PCDH11X: variants seen among roughly 807,000 people sequenced by gnomAD.
PCDH11X encodes the protein protocadherin 11 X-linked.
In PCDH11X, 18 loss-of-function variants were observed where a neutral mutation model predicts 53.3. The ratio of observed to expected loss-of-function variants is 0.34; its 90% CI spans 0.23 to 0.50. PCDH11X has a LOEUF of 0.50. Among genes scored for constraint, PCDH11X ranks in the 20% least tolerant of loss-of-function variants. The probability of loss-of-function intolerance (pLI) is 0.98; values close to 1 mark genes in which losing one functional copy is unlikely to be tolerated. For synonymous variants in PCDH11X, 279 were observed against 393.3 expected (o/e 0.71, Z 3.44); for missense variants, 570 against 1,032.4 (o/e 0.55, Z 6.14).
intron 10 of PCDH11X, among the ~76,000 whole-genome samples, chrX:92,513,833 C>T (rs1413988111): frequency 9.0e-6 from 1 of 111,435 alleles, no homozygotes; most frequent in African/African-American, 3.3e-5. Flanking sequence ...TTACAGACTT[C>T]TACAACCATC....
intron 10 of PCDH11X, among the ~76,000 whole-genome samples, chrX:92,549,857 G>A (rs945872870): frequency 9.0e-6 from 1 of 111,448 alleles, no homozygotes; most frequent in Non-Finnish European, 1.9e-5. Context: ...GGGGTACATA[G>A]TGATGCTTTG....
intron 8 of PCDH11X, among the ~76,000 whole-genome samples, chrX:92,342,886 A>G (rs2069798294): frequency 8.9e-6 from 1 of 111,962 alleles, no homozygotes; most frequent in Non-Finnish European, 1.9e-5. Flanking sequence ...AGAGAAAAGA[A>G]TATGTGAAGG....
intron 6 of PCDH11X, among the ~76,000 whole-genome samples, chrX:91,913,089 A>G (rs1386178971): frequency 1.8e-5 from 2 of 111,370 alleles, no homozygotes; most frequent in African/African-American, 6.5e-5. Flanking sequence ...CCCTGACTAT[A>G]TCTCACAGGG....
chrX:92,442,224 C>T (rs2072531436), intron 9 of PCDH11X, among the ~76,000 whole-genome samples: 1 of 109,906 alleles, frequency 9.1e-6, no homozygotes, highest in African/African-American at 3.3e-5. Context: ...AGAATTTGGA[C>T]TGTGGACTTT....
intron 4 of PCDH11X, chrX:91,834,856 T>C (rs1937237323): frequency 6.7e-6 from 2 of 300,335 alleles, no homozygotes; most frequent in African/African-American, 6.0e-5. Context: ...GTTGTTACCA[T>C]GTTTAGGCAT....
intron 6 of PCDH11X, among the ~76,000 whole-genome samples, chrX:92,023,543 A>G (rs1454939362): frequency 1.8e-5 from 2 of 110,653 alleles, no homozygotes; most frequent in Non-Finnish European, 1.9e-5. Flanking sequence ...ACCAAAAAAA[A>G]GCCCAGGACC....
intron 1 of PCDH11X, among the ~76,000 whole-genome samples, chrX:91,795,578 T>G (rs1162036409): frequency 9.0e-6 from 1 of 111,530 alleles, no homozygotes; most frequent in Non-Finnish European, 1.9e-5. Context: ...TACTAACTCA[T>G]TAACTAATTT....
At chrX:92,282,333 A>T (rs898612530) in intron 8 of PCDH11X, among the ~76,000 whole-genome samples, 2 of 111,740 alleles carry the variant, frequency 1.8e-5, no homozygotes, top group Non-Finnish European at 3.8e-5. Context: ...AACCTACAGG[A>T]TTTTAACCCT....
intron 6 of PCDH11X, among the ~76,000 whole-genome samples, chrX:92,165,991 A>G (rs947649196): frequency 9.0e-6 from 1 of 111,335 alleles, no homozygotes; most frequent in African/African-American, 3.3e-5. Flanking sequence ...GCCGAAGGGT[A>G]TTTTTAGTGA....
intron 9 of PCDH11X, among the ~76,000 whole-genome samples, chrX:92,444,950 T>C (rs1206224528): frequency 2.1e-5 from 2 of 96,171 alleles, no homozygotes; most frequent in African/African-American, 7.3e-5. Flanking sequence ...TGCTGTCAGA[T>C]TCCATTTGTT....
Position 92,194,504 on chromosome X carries a change from C to T in PCDH11X, c.3034-6871C>T, listed in dbSNP as rs775603574. On this transcript the variant is annotated intron_variant, in intron 6 of 10. Coordinates refer to ENST00000682573, the MANE Select transcript of PCDH11X (RefSeq NM_032968.5). ...GGATATTGAAATATGAAAATATACG[C>T]AGAATTATAGTTCTGTGCTGTTTTT... Among the ~76,000 whole-genome samples the T allele has an allele frequency of 2.3e-4, 25 of 111,025 alleles. 1 individual carries two copies. The highest frequency in any genetic ancestry group is 2.1e-4 in the Non-Finnish European group (11 of 53,005).
In PCDH11X at chrX:91,886,797, C is replaced by T. The variant is rs567633173; in HGVS notation, c.3033+7524C>T. Among the ~76,000 whole-genome samples, 61 of 108,033 alleles carry T rather than the reference C, an allele frequency of 5.6e-4. No homozygotes were observed. In the South Asian group the frequency reaches 0.023, roughly 41 times the overall value. 93.8% of individuals were successfully genotyped at this position (108,033 alleles called of 115,157 possible). ...CCATCCTGGCTAACACAGTGAAACC[C>T]CGTCTCTACTAAAAATACAAAAAAT... is the stretch of plus-strand genomic sequence containing the variant. On this transcript the variant is annotated intron_variant, in intron 6 of 10. Coordinates refer to ENST00000682573, the MANE Select transcript of PCDH11X (RefSeq NM_032968.5).
chrX:92,008,237 C>T (rs1373114333), intron 6 of PCDH11X, among the ~76,000 whole-genome samples: 2 of 110,710 alleles, frequency 1.8e-5, no homozygotes, highest in African/African-American at 3.3e-5. Context: ...CGTTGCAATT[C>T]TTATGGCCTA....
intron 10 of PCDH11X, among the ~76,000 whole-genome samples, chrX:92,510,741 C>T (rs1364277618): frequency 2.7e-5 from 3 of 110,843 alleles, no homozygotes; most frequent in Non-Finnish European, 3.8e-5. Flanking sequence ...TAGAACTCTC[C>T]TGCTTTTGTA....
Position 92,352,843 on chromosome X carries a change from T to C in PCDH11X, c.3145-34892T>C, listed in dbSNP as rs779438952. On this transcript the variant is annotated intron_variant, in intron 8 of 10. Coordinates refer to ENST00000682573, the MANE Select transcript of PCDH11X (RefSeq NM_032968.5). ...CATCTTCAGGTCTCTCAGCTGTGAA[T>C]ACCAGCACAGTGTTTTGGTTGTCTC... Among the ~76,000 whole-genome samples the C allele has an allele frequency of 2.9e-3, 322 of 111,147 alleles. 2 individuals are homozygous for C. The highest frequency in any genetic ancestry group is 0.01 in the African/African-American group (320 of 30,632).
chrX:92,040,652 C>T lies in PCDH11X; in HGVS notation c.3034-160723C>T, dbSNP rs749343970. Among the ~76,000 whole-genome samples the T allele has an allele frequency of 5.6e-4, 62 of 111,018 alleles. 2 individuals are homozygous for T. Among genetic ancestry groups the T allele is most frequent in the Admixed American group, 1.7e-3 (18 of 10,462 alleles). On this transcript the variant is annotated intron_variant, in intron 6 of 10. Coordinates refer to ENST00000682573, the MANE Select transcript of PCDH11X (RefSeq NM_032968.5). ...TAAAACCAAGTAATGTGATTGCTAA[C>T]CTGATTTTTGACCTTATGACATTGC...
intron 6 of PCDH11X, among the ~76,000 whole-genome samples, chrX:92,048,721 GAA>G (rs202091288): frequency 0.05 from 5,561 of 111,620 alleles, 274 homozygotes; most frequent in African/African-American, 0.15. Flanking sequence ...AGTTGTTGAT[GAA>G]AAGACTTAAA....
intron 8 of PCDH11X, among the ~76,000 whole-genome samples, chrX:92,319,170 TC>T (rs1338492048): frequency 8.9e-6 from 1 of 111,914 alleles, no homozygotes; most frequent in East Asian, 2.8e-4. Context: ...ACCTGGATTT[TC>T]TTTCCTTTTG....
At chrX:92,061,742 C>T (rs2063526741) in intron 6 of PCDH11X, among the ~76,000 whole-genome samples, 1 of 110,810 alleles carries the variant, frequency 9.0e-6, no homozygotes, top group Admixed American at 9.7e-5. Flanking sequence ...ATGCCTCCAA[C>T]TTTGTTCTTT....
Sources: allele counts gnomAD v4.1 joint callset (sites outside exome capture counted in the v4.1 genomes callset), GRCh38; gene constraint gnomAD v4.1.1; transcripts MANE v1.5; gene names NCBI Gene and HGNC (gene_info 2026-07-23, HGNC 2026-07-21).